PTPRD: variants seen among roughly 807,000 people sequenced by gnomAD.
PTPRD encodes the protein receptor-type tyrosine-protein phosphatase delta.
Under a neutral mutation model 214.5 loss-of-function variants are expected in PTPRD, and 34 were observed. That is an observed-to-expected ratio of 0.16 (90% CI 0.12 to 0.21). The LOEUF is 0.21. Among genes scored for constraint, PTPRD ranks in the 10% least tolerant of loss-of-function variants. The pLI is 1.00. For synonymous variants in PTPRD, 1,128 were observed against 845.7 expected, an observed-to-expected ratio of 1.33 and a Z score of -5.79; for missense variants, 2,545 against 2,398.7, an observed-to-expected ratio of 1.06 and a Z score of -1.27.
chr9:8,811,921 G>A (rs1192894183), intron 11 of PTPRD, among the ~76,000 whole-genome samples: 1 of 152,100 alleles, frequency 6.6e-6, no homozygotes, highest in Non-Finnish European at 1.5e-5. Context: ...GGGGACTTGA[G>A]GCTTGTGAGG....
In PTPRD at chr9:8,814,024, G is replaced by T. The variant is rs530658474; in HGVS notation, c.-103-80078C>A. On this transcript the variant is annotated intron_variant, in intron 11 of 45. Transcript: ENST00000381196. ...TATTTATTTTTCTCCCCTCTAAATT[G>T]CCAGGCATGGGCCATGGATTCTGCA... Among the ~76,000 whole-genome samples, 9 of 152,282 alleles carry T rather than the reference G, an allele frequency of 5.9e-5. No homozygotes were observed. The East Asian group carries it at 1.5e-3, about 26-fold the overall frequency.
At chr9:9,766,371 T>G (rs2098707191) in intron 6 of PTPRD, among the ~76,000 whole-genome samples, 1 of 152,176 alleles carries the variant, frequency 6.6e-6, no homozygotes, top group South Asian at 2.1e-4. Context: ...CCTTCCTCTT[T>G]TTAAATTGGT....
intron 14 of PTPRD, among the ~76,000 whole-genome samples, chr9:8,618,431 A>T (rs948095152): frequency 2.6e-5 from 4 of 152,114 alleles, no homozygotes; most frequent in South Asian, 2.1e-4. Flanking sequence ...ATTTTCATGA[A>T]AACATATTGT....
intron 4 of PTPRD, among the ~76,000 whole-genome samples, chr9:9,993,204 C>G (rs2096008938): frequency 2.0e-5 from 3 of 152,108 alleles, no homozygotes; most frequent in Non-Finnish European, 4.4e-5. Context: ...ATAAATTGGT[C>G]TAATTACTTT....
chr9:10,544,357 C>G (rs1192034994), intron 2 of PTPRD, among the ~76,000 whole-genome samples: 1 of 152,028 alleles, frequency 6.6e-6, no homozygotes, highest in Non-Finnish European at 1.5e-5. Context: ...TTAACAGAAA[C>G]AAAAGTGATA....
intron 3 of PTPRD, among the ~76,000 whole-genome samples, chr9:10,144,531 T>C (rs1189869585): frequency 6.6e-6 from 1 of 152,048 alleles, no homozygotes; most frequent in Non-Finnish European, 1.5e-5. Context: ...CAGTCCACTT[T>C]GACAAAGCAC....
chr9:9,761,985 A>T (rs1454955160), intron 6 of PTPRD, among the ~76,000 whole-genome samples: 1 of 152,190 alleles, frequency 6.6e-6, no homozygotes, highest in Non-Finnish European at 1.5e-5. Flanking sequence ...ACTTAAACAT[A>T]AATTTATTTT....
chr9:10,516,188 A>C (rs2050040425), intron 2 of PTPRD, among the ~76,000 whole-genome samples: 1 of 151,838 alleles, frequency 6.6e-6, no homozygotes, highest in Non-Finnish European at 1.5e-5. Context: ...TTATATTCCT[A>C]CTAACAGCGT....
chr9:9,617,914 T>C (rs899504643), intron 7 of PTPRD, among the ~76,000 whole-genome samples: 3 of 150,662 alleles, frequency 2.0e-5, no homozygotes, highest in African/African-American at 7.3e-5. Flanking sequence ...CTACTAAAAA[T>C]ACAAAAAATT....
chr9:8,493,199 T>C (rs536757863), intron 26 of PTPRD, among the ~76,000 whole-genome samples: 1 of 152,318 alleles, frequency 6.6e-6, no homozygotes, highest in South Asian at 2.1e-4. Context: ...TCTTAGGGTA[T>C]TAGTCAAAGA....
At chr9:9,774,828 C>T (rs556716171) in intron 5 of PTPRD, among the ~76,000 whole-genome samples, 1 of 152,118 alleles carries the variant, frequency 6.6e-6, no homozygotes, top group Admixed American at 6.5e-5. Context: ...CTGGCAGTCT[C>T]CAGGAGGGTT....
At chr9:10,116,282 C>T (rs570901980) in intron 3 of PTPRD, among the ~76,000 whole-genome samples, 31 of 152,046 alleles carry the variant, frequency 2.0e-4, no homozygotes, top group Non-Finnish European at 4.3e-4. Context: ...AGTGTTTATG[C>T]TTCTATTGCT....
intron 20 of PTPRD, among the ~76,000 whole-genome samples, chr9:8,520,505 T>C (rs7043375): frequency 0.04 from 6,156 of 152,226 alleles, 405 homozygotes; most frequent in African/African-American, 0.14. Context: ...AGAAGATAAT[T>C]TGTGTTCATT....
At chr9:8,925,767 C>G (rs2098880356) in intron 11 of PTPRD, among the ~76,000 whole-genome samples, 1 of 151,640 alleles carries the variant, frequency 6.6e-6, no homozygotes, top group African/African-American at 2.4e-5. Flanking sequence ...TCCTTTCTCC[C>G]CCTGACACTC....
chr9:8,439,249 T>TAGGG (rs1445627839), intron 34 of PTPRD, among the ~76,000 whole-genome samples: 11 of 152,070 alleles, frequency 7.2e-5, no homozygotes, highest in African/African-American at 2.2e-4. Context: ...CATCTACTAA[T>TAGGG]AGGGACAAAT....
At chr9:10,381,966 TATAAC>T (rs1432648675) in intron 2 of PTPRD, among the ~76,000 whole-genome samples, 1 of 151,950 alleles carries the variant, frequency 6.6e-6, no homozygotes, top group Non-Finnish European at 1.5e-5. Flanking sequence ...TTTTGTTTCT[TATAAC>T]AGAGAATAGT....
intron 3 of PTPRD, among the ~76,000 whole-genome samples, chr9:10,326,700 A>G (rs2096649208): frequency 6.6e-6 from 1 of 151,512 alleles, no homozygotes; most frequent in African/African-American, 2.4e-5. Context: ...TATAAAACCT[A>G]CTCTCAGAAA....
rs1334865270 is a variant in PTPRD, at chr9:8,507,200, C to A, written c.1677+101G>T. ...TTAGTAAATCTTTTCCATCAAGGTC[C>A]TCAATAGCTCTCTGACCAAGAATGT... On this transcript the variant is annotated intron_variant, in intron 22 of 45. Transcript: ENST00000381196. 4 of 1,344,694 alleles carry A rather than the reference C, an allele frequency of 3.0e-6. No homozygotes were observed. The East Asian group carries it at 1.0e-4, about 35-fold the overall frequency. 83.3% of individuals were successfully genotyped at this position (1,344,694 alleles called of 1,614,324 possible).
intron 34 of PTPRD, among the ~76,000 whole-genome samples, chr9:8,438,453 G>A (rs2095431782): frequency 6.6e-6 from 1 of 152,088 alleles, no homozygotes; most frequent in African/African-American, 2.4e-5. Context: ...ACAAAATTTT[G>A]GAACCCTTTC....
Sources: gnomAD v4.1 joint callset for allele counts (sites outside exome capture counted in the v4.1 genomes callset) on GRCh38, gnomAD v4.1.1 for gene constraint, MANE v1.5 for transcripts, NCBI Gene and HGNC (gene_info 2026-07-23, HGNC 2026-07-21) for gene names.